TCEANC2: variants seen among roughly 807,000 people sequenced by gnomAD.
TCEANC2 encodes the protein transcription elongation factor A N-terminal and central domain containing 2, also known as transcription elongation factor A N-terminal and central domain-containing protein 2.
TCEANC2 carries 20 observed loss-of-function variants against 22.8 expected under a neutral mutation model. The observed-to-expected ratio is 0.88, with a 90% CI of 0.62 to 1.28. TCEANC2 has a LOEUF of 1.28. Ranked by LOEUF, TCEANC2 falls within the 50% of genes most tolerant of loss-of-function variation. The probability of loss-of-function intolerance (pLI) is 0.00; values close to 1 mark genes in which losing one functional copy is unlikely to be tolerated. For synonymous variants in TCEANC2, 84 were observed against 95.5 expected (o/e 0.88, Z 0.70); for missense variants, 251 against 249.7 (o/e 1.01, Z -0.03).
intron 2 of TCEANC2, among the ~76,000 whole-genome samples, chr1:54,057,149 G>A (rs998307195): frequency 1.4e-4 from 21 of 150,738 alleles, no homozygotes; most frequent in African/African-American, 3.2e-4. Flanking sequence ...ATGTATATCC[G>A]TATACCAAGT....
chr1:54,072,723 G>A (rs1658081248), intron 3 of TCEANC2, among the ~76,000 whole-genome samples: 1 of 152,158 alleles, frequency 6.6e-6, no homozygotes, highest in Non-Finnish European at 1.5e-5. Flanking sequence ...ACAGGTGTGA[G>A]CTACCGCACC....
rs768089754 is a variant in TCEANC2 at position 54,105,631 on chromosome 1, C to CT, written c.*9171dup. ...CAATTCTAGAACAGGGGTCAGCAAA[C>CT]TTTTTTTTTTTTTCGAGACGGAGTC... is the stretch of plus-strand genomic sequence containing the variant. On this transcript the variant is annotated 3_prime_UTR_variant, in exon 5 of 5. Transcript: ENST00000234827. 0.12 allele frequency: 14,087 copies of CT among 113,554 alleles called. 1,542 individuals are homozygous for CT. The highest frequency in any genetic ancestry group is 0.4 in the African/African-American group (11,017 of 27,722). The allele number at this position is 113,554 out of a possible 1,614,324, so 7.0% of individuals were successfully genotyped here. A position where few individuals can be genotyped will look rare whatever the true frequency, so the allele number is the denominator to read the frequency against.
intron 3 of TCEANC2, among the ~76,000 whole-genome samples, chr1:54,075,909 G>T (rs1188261239): frequency 6.6e-6 from 1 of 151,782 alleles, no homozygotes; most frequent in Admixed American, 6.6e-5. Context: ...AGCTACTCGG[G>T]AGGCTGAGGC....
chr1:54,104,271 A>G lies in TCEANC2; in HGVS notation c.*7798A>G. ...CTGTTCTCATAGTTCTGGGCTCTGC[A>G]GGTTTAGAGGTTTTGAGTCACAAAG... On this transcript the variant is annotated 3_prime_UTR_variant, in exon 5 of 5. Coordinates refer to ENST00000234827, the MANE Select transcript of TCEANC2 (RefSeq NM_153035.3). 5.7e-6 allele frequency: 1 copy of G among 176,824 alleles called. No individual in the cohort carries two copies. The highest frequency in any genetic ancestry group is 1.2e-5 in the Non-Finnish European group (1 of 82,054). The allele number at this position is 176,824 out of a possible 1,614,324, so 11.0% of individuals were successfully genotyped here.
intron 2 of TCEANC2, among the ~76,000 whole-genome samples, chr1:54,057,224 C>CTTTTTTT (rs1657767571): frequency 1.5e-5 from 2 of 129,394 alleles, no homozygotes; most frequent in Non-Finnish European, 1.6e-5. Flanking sequence ...TTTCTTTTTT[C>CTTTTTTT]TTTGTTTTTT....
Position 54,096,775 on chromosome 1 carries a change from G to A in TCEANC2, c.*302G>A. The A allele has an allele frequency of 1.8e-6, 2 of 1,089,060 alleles. No homozygotes were observed. The highest frequency in any genetic ancestry group is 4.0e-5 in the South Asian group (1 of 25,064). The allele number at this position is 1,089,060 out of a possible 1,614,324, so 67.5% of individuals were successfully genotyped here. A position where few individuals can be genotyped will look rare whatever the true frequency, so the allele number is the denominator to read the frequency against. ...GGGTGATGGATTTCACTGTGAATAT[G>A]CCAAGGACACCTCTAAACTTCCCCC... On this transcript the variant is annotated 3_prime_UTR_variant, in exon 5 of 5. Transcript: ENST00000234827. The surrounding 1 kb of genome is among the most constrained non-coding windows in gnomAD (Gnocchi z 4.9).
intron 3 of TCEANC2, among the ~76,000 whole-genome samples, chr1:54,072,121 A>G (rs1658067727): frequency 6.6e-6 from 1 of 151,924 alleles, no homozygotes; most frequent in Admixed American, 6.6e-5. Context: ...AACAACAATT[A>G]TTTCTTCAAA....
chr1:54,061,725 C>G (rs1410655594), intron 2 of TCEANC2, among the ~76,000 whole-genome samples: 5 of 151,534 alleles, frequency 3.3e-5, no homozygotes, highest in African/African-American at 1.2e-4. Context: ...GGTTCATAGT[C>G]TGTCCCCTAT....
At position 54,068,240 on chromosome 1, in the gene TCEANC2, A is replaced by G. The variant is rs1339408891; in HGVS notation, c.103-516A>G. 2.0e-5 allele frequency among the ~76,000 whole-genome samples: 3 copies of G among 152,222 alleles called. No individual in the cohort carries two copies. The South Asian group carries it at 6.2e-4, about 32-fold the overall frequency. ...TGGCAAAGTGTTCATTTTTTCCATT[A>G]TAAATAGTGGGTTACTCTCTGTATC... On this transcript the variant is annotated intron_variant, in intron 2 of 4. Transcript: ENST00000234827.
chr1:54,083,705 T>A (rs1274465623), intron 3 of TCEANC2, among the ~76,000 whole-genome samples: 1 of 152,188 alleles, frequency 6.6e-6, no homozygotes, highest in African/African-American at 2.4e-5. Context: ...TGCCCTACTA[T>A]AACACAGCCC....
intron 3 of TCEANC2, among the ~76,000 whole-genome samples, chr1:54,084,933 A>G (rs1658312586): frequency 6.6e-6 from 1 of 152,168 alleles, no homozygotes; most frequent in Admixed American, 6.5e-5. Context: ...TAGAAAAGGA[A>G]AGTATCCAGG....
intron 3 of TCEANC2, among the ~76,000 whole-genome samples, chr1:54,078,958 G>A (rs1658193237): frequency 6.6e-6 from 1 of 152,162 alleles, no homozygotes; most frequent in African/African-American, 2.4e-5. Context: ...GGGCCAACTA[G>A]CAAAACGCCT....
Position 54,104,747 on chromosome 1 carries a change from G to A in TCEANC2, c.*8274G>A. ...AGTAGAGATGGAGTTTCGCCATGTTGGCCAGACTAGTTTTGAACTTCTGGC... is the reference window on the plus strand; with the variant it reads ...AGTAGAGATGGAGTTTCGCCATGTTAGCCAGACTAGTTTTGAACTTCTGGC... On this transcript the variant is annotated 3_prime_UTR_variant, in exon 5 of 5. Coordinates refer to ENST00000234827, the MANE Select transcript of TCEANC2 (RefSeq NM_153035.3). 2.2e-6 allele frequency: 1 copy of A among 444,856 alleles called. No homozygotes were observed. Among genetic ancestry groups the A allele is most frequent in the Non-Finnish European group, 4.6e-6 (1 of 219,148 alleles). The allele number at this position is 444,856 out of a possible 1,614,324, so 27.6% of individuals were successfully genotyped here.
At chr1:54,057,748 TCA>T (rs1453753231) in intron 2 of TCEANC2, among the ~76,000 whole-genome samples, 2 of 152,146 alleles carry the variant, frequency 1.3e-5, no homozygotes, top group African/African-American at 4.8e-5. Context: ...TCAATAAAGA[TCA>T]CAGTTTTTTA....
chr1:54,106,886 C>G (rs973960210), downstream of TCEANC2, among the ~76,000 whole-genome samples: 2 of 152,056 alleles, frequency 1.3e-5, no homozygotes, highest in South Asian at 4.1e-4. Context: ...CTTTTTATTT[C>G]GGAGTTATTT....
Position 54,096,245 on chromosome 1 carries a change from C to CA in TCEANC2, c.439-38dup. ...GCCTCTCTTGCTTTTAATCCTTACGCAATGTAAGGCTCTAATTTGATAATT... is the reference window on the plus strand; with the variant it reads ...GCCTCTCTTGCTTTTAATCCTTACGCAAATGTAAGGCTCTAATTTGATAATT... On this transcript the variant is annotated intron_variant, in intron 4 of 4. Coordinates refer to ENST00000234827, the MANE Select transcript of TCEANC2 (RefSeq NM_153035.3). The surrounding 1 kb of genome is among the most constrained non-coding windows in gnomAD (Gnocchi z 4.9). The CA allele has an allele frequency of 6.4e-7, 1 of 1,557,794 alleles. No homozygotes were observed. Among genetic ancestry groups the CA allele is most frequent in the South Asian group, 1.2e-5 (1 of 85,350 alleles).
rs1658676056 is a variant in TCEANC2, at chr1:54,102,306, T to G, written c.*5833T>G. The G allele has an allele frequency of 6.6e-6, 1 of 152,186 alleles. No individual in the cohort carries two copies. The highest frequency in any genetic ancestry group is 1.9e-4 in the East Asian group (1 of 5,192). The allele number at this position is 152,186 out of a possible 1,614,324, so 9.4% of individuals were successfully genotyped here. On this transcript the variant is annotated 3_prime_UTR_variant, in exon 5 of 5. Transcript: ENST00000234827. ...GTGGTGGGAACAGATGCCTGTGAAG[T>G]TTATGACAAGACCCTACAGGAGAAT...
chr1:54,091,298 T>G (rs147792795), intron 4 of TCEANC2, among the ~76,000 whole-genome samples: 98 of 152,300 alleles, frequency 6.4e-4, no homozygotes, highest in African/African-American at 2.3e-3. Context: ...ATTTCCATAT[T>G]AGAGCAAATC....
intron 2 of TCEANC2, among the ~76,000 whole-genome samples, chr1:54,065,653 G>A (rs1657940685): frequency 6.6e-6 from 1 of 152,038 alleles, no homozygotes; most frequent in Admixed American, 6.6e-5. Flanking sequence ...AGGAGATCGA[G>A]GCTGCAGTGT....
Sources: gnomAD v4.1 joint callset for allele counts (sites outside exome capture counted in the v4.1 genomes callset) on GRCh38, gnomAD v4.1.1 for gene constraint, Gnocchi (gnomAD v3.1) non-coding constraint, MANE v1.5 for transcripts, NCBI Gene and HGNC (gene_info 2026-07-23, HGNC 2026-07-21) for gene names.